Variants in CDKL5 observed in about 807,000 individuals in gnomAD.
CDKL5 encodes the protein cyclin-dependent kinase-like 5.
In CDKL5, 8 loss-of-function variants were observed where a neutral mutation model predicts 61.7. The ratio of observed to expected loss-of-function variants is 0.13; its 90% CI spans 0.08 to 0.23. CDKL5 has a LOEUF of 0.23. CDKL5 is among the 10% of genes least tolerant of loss of function. The pLI is 1.00. For synonymous variants in CDKL5, 275 were observed against 272.3 expected (o/e 1.01, Z -0.10); for missense variants, 440 against 734.5 (o/e 0.60, Z 4.63).
chrX:18,510,237 C>T (rs1445002561), intron 2 of CDKL5, among the ~76,000 whole-genome samples: 1 of 111,441 alleles, frequency 9.0e-6, no homozygotes, highest in African/African-American at 3.3e-5. Flanking sequence ...CTACTGCAAC[C>T]TCTGCCTCCT....
chrX:18,454,261 G>A (rs1472123393), intron 1 of CDKL5, among the ~76,000 whole-genome samples: 1 of 109,724 alleles, frequency 9.1e-6, no homozygotes, highest in Non-Finnish European at 1.9e-5. Context: ...TTTTGAGATG[G>A]AGTCTTGCTC....
chrX:18,447,203 C>A (rs1931901088), intron 1 of CDKL5, among the ~76,000 whole-genome samples: 1 of 109,827 alleles, frequency 9.1e-6, no homozygotes, highest in African/African-American at 3.3e-5. Flanking sequence ...CAGGACAGCC[C>A]CATGACAAAG....
At chrX:18,471,606 TCAAGCAATCCCCTACCTTGGTCTCC>T (rs1200976706) in intron 1 of CDKL5, among the ~76,000 whole-genome samples, 1 of 111,797 alleles carries the variant, frequency 8.9e-6, no homozygotes, top group Non-Finnish European at 1.9e-5. Flanking sequence ...ACTCCTCAGC[TCAAGCAATCCCCTACCTTGGTCTCC>T]CAAGCAATCC....
intron 1 of CDKL5, among the ~76,000 whole-genome samples, chrX:18,429,014 G>T (rs1193180284): frequency 9.0e-6 from 1 of 110,885 alleles, no homozygotes; most frequent in Non-Finnish European, 1.9e-5. Context: ...TTTTATGTGT[G>T]TAGAGCAGCG....
intron 1 of CDKL5, among the ~76,000 whole-genome samples, chrX:18,484,884 G>T (rs1340005101): frequency 9.1e-6 from 1 of 110,288 alleles, no homozygotes; most frequent in Non-Finnish European, 1.9e-5. Context: ...TCAGCCTCCT[G>T]AGTAGCTGGG....
chrX:18,443,142 G>C (rs912226954), intron 1 of CDKL5, among the ~76,000 whole-genome samples: 10 of 111,295 alleles, frequency 9.0e-5, no homozygotes, highest in African/African-American at 3.3e-4. Flanking sequence ...CTTCCTTCTT[G>C]GTTCAGTTTC....
At chrX:18,494,264 T>G (rs964901823) in intron 1 of CDKL5, among the ~76,000 whole-genome samples, 20 of 110,375 alleles carry the variant, frequency 1.8e-4, no homozygotes, top group African/African-American at 3.3e-4. Flanking sequence ...TCTTTTTTTT[T>G]GGGGACAAAG....
intron 1 of CDKL5, among the ~76,000 whole-genome samples, chrX:18,428,954 G>C (rs1454944248): frequency 1.8e-5 from 2 of 111,205 alleles, no homozygotes; most frequent in African/African-American, 6.5e-5. Context: ...TGTTGGTGAC[G>C]CACAATTTTA....
intron 1 of CDKL5, among the ~76,000 whole-genome samples, chrX:18,439,837 CA>C (rs199796155): frequency 0.091 from 3,462 of 37,855 alleles, 100 homozygotes; most frequent in East Asian, 0.29. Flanking sequence ...ATTTGGTCTC[CA>C]AAAAAAAAAA....
At position 18,631,090 on chromosome X, in the gene CDKL5, G is replaced by A; in HGVS notation, c.*2333G>A. On this transcript the variant is annotated 3_prime_UTR_variant, in exon 18 of 18. Coordinates refer to ENST00000623535, the MANE Select transcript of CDKL5 (RefSeq NM_001323289.2). Reference sequence around the variant, plus strand: ...ATTCGAGGCTCGTCACCTAGGGGCTGGTTTCCCATGTTGTCATCCTTGCTA... The same window carrying A: ...ATTCGAGGCTCGTCACCTAGGGGCTAGTTTCCCATGTTGTCATCCTTGCTA... 4.0e-6 allele frequency: 3 copies of A among 752,959 alleles called. No homozygotes were observed. Among genetic ancestry groups the A allele is most frequent in the Middle Eastern group, 7.6e-4 (1 of 1,323 alleles). The allele number at this position is 752,959 out of a possible 1,213,427, so 62.1% of individuals were successfully genotyped here. A position where few individuals can be genotyped will look rare whatever the true frequency, so the allele number is the denominator to read the frequency against.
intron 3 of CDKL5, among the ~76,000 whole-genome samples, chrX:18,538,457 T>C (rs1386491350): frequency 1.8e-5 from 2 of 111,751 alleles, no homozygotes; most frequent in Non-Finnish European, 3.8e-5. Context: ...CAATTTTTTT[T>C]TTCCTATGGA....
intron 1 of CDKL5, among the ~76,000 whole-genome samples, chrX:18,463,667 T>G (rs772131134): frequency 5.4e-4 from 61 of 112,328 alleles, no homozygotes; most frequent in Admixed American, 4.8e-4. Flanking sequence ...CCTGTCCACA[T>G]TAGTTGTTAC....
At chrX:18,647,540 G>T (rs1927836897) in intron 20 of CDKL5, 2 of 437,727 alleles carry the variant, frequency 4.6e-6, no homozygotes, top group Admixed American at 7.2e-5. Flanking sequence ...TAAAGGAATT[G>T]CCATAGAGAC....
chrX:18,567,724 T>A (rs189541873), intron 4 of CDKL5, among the ~76,000 whole-genome samples: 43 of 111,379 alleles, frequency 3.9e-4, no homozygotes, highest in South Asian at 1.9e-3. Context: ...CTACAAAAAA[T>A]TTTTAAAAAA....
chrX:18,456,982 T>TA (rs755697586), intron 1 of CDKL5, among the ~76,000 whole-genome samples: 14 of 110,718 alleles, frequency 1.3e-4, no homozygotes, highest in Non-Finnish European at 2.6e-4. Flanking sequence ...ATTTATCGTT[T>TA]CTTTGCACTA....
chrX:18,557,702 A>G (rs1441512982), intron 3 of CDKL5, among the ~76,000 whole-genome samples: 1 of 112,308 alleles, frequency 8.9e-6, no homozygotes, highest in Non-Finnish European at 1.9e-5. Flanking sequence ...TTTTAAAATG[A>G]CTTAGTAAAT....
intron 1 of CDKL5, among the ~76,000 whole-genome samples, chrX:18,468,912 T>A (rs981552008): frequency 8.9e-6 from 1 of 111,757 alleles, no homozygotes; most frequent in East Asian, 2.8e-4. Context: ...AGGCTAACTA[T>A]AGAATACCTA....
At chrX:18,464,223 C>T (rs766860930) in intron 1 of CDKL5, among the ~76,000 whole-genome samples, 2 of 108,741 alleles carry the variant, frequency 1.8e-5, no homozygotes, top group South Asian at 3.9e-4. Flanking sequence ...ATTACTATTG[C>T]GATGGAACAG....
intron 3 of CDKL5, among the ~76,000 whole-genome samples, chrX:18,555,887 AT>A (rs1924586366): frequency 8.9e-6 from 1 of 112,045 alleles, no homozygotes; most frequent in East Asian, 2.8e-4. Context: ...TGTGTGTGTG[AT>A]TTGGTCTGAA....
Sources: allele counts gnomAD v4.1 joint callset (sites outside exome capture counted in the v4.1 genomes callset), GRCh38; gene constraint gnomAD v4.1.1; transcripts MANE v1.5; gene names NCBI Gene and HGNC (gene_info 2026-07-23, HGNC 2026-07-21).